IMMP2L: variants seen among roughly 807,000 people sequenced by gnomAD.
IMMP2L encodes the protein inner mitochondrial membrane peptidase subunit 2.
Under a neutral mutation model 19.3 loss-of-function variants are expected in IMMP2L, and 18 were observed. That is an observed-to-expected ratio of 0.93 (90% confidence interval 0.64 to 1.38). The LOEUF (loss-of-function observed/expected upper bound fraction) is 1.38, where lower values mean the gene tolerates loss of function less well. Ranked by LOEUF, IMMP2L falls within the 40% of genes most tolerant of loss-of-function variation. IMMP2L has a pLI of 0.00. For synonymous variants in IMMP2L, 76 were observed against 73.0 expected (o/e 1.04, Z -0.21); for missense variants, 233 against 218.2 (o/e 1.07, Z -0.43).
chr7:110,989,950 G>A (rs901225853), intron 3 of IMMP2L, among the ~76,000 whole-genome samples: 2 of 151,882 alleles, frequency 1.3e-5, no homozygotes, highest in African/African-American at 2.4e-5. Context: ...AACAAAAACC[G>A]ATGCTATTTT....
At chr7:110,681,896 C>A (rs1355548731) in intron 5 of IMMP2L, among the ~76,000 whole-genome samples, 2 of 151,368 alleles carry the variant, frequency 1.3e-5, no homozygotes, top group African/African-American at 4.9e-5. Context: ...TGACCTCAAT[C>A]TGAAGAAAAA....
intron 5 of IMMP2L, among the ~76,000 whole-genome samples, chr7:110,755,572 A>T (rs1797989527): frequency 6.6e-6 from 1 of 152,156 alleles, no homozygotes; most frequent in Non-Finnish European, 1.5e-5. Flanking sequence ...GCATAGGGAT[A>T]CAGAGATTTA....
intron 3 of IMMP2L, among the ~76,000 whole-genome samples, chr7:111,140,410 G>T (rs1434543739): frequency 1.3e-5 from 2 of 152,140 alleles, no homozygotes. Context: ...GAGCCCAGGT[G>T]CATCAATACT....
intron 4 of IMMP2L, among the ~76,000 whole-genome samples, chr7:110,922,274 C>T (rs189297077): frequency 5.1e-4 from 78 of 152,280 alleles, no homozygotes; most frequent in African/African-American, 1.8e-3. Flanking sequence ...ATTATGCATA[C>T]ATCAGGCTTA....
At chr7:111,007,655 A>G in intron 3 of IMMP2L, among the ~76,000 whole-genome samples, 1 of 152,140 alleles carries the variant, frequency 6.6e-6, no homozygotes, top group African/African-American at 2.4e-5. Flanking sequence ...ACGTGTACGT[A>G]TGTACACATA....
chr7:111,167,359 C>T (rs1805937539), intron 3 of IMMP2L, among the ~76,000 whole-genome samples: 1 of 151,884 alleles, frequency 6.6e-6, no homozygotes, highest in African/African-American at 2.4e-5. Context: ...ACCACAAATC[C>T]AAAACATTTC....
intron 3 of IMMP2L, among the ~76,000 whole-genome samples, chr7:111,307,698 GT>G (rs1019546677): frequency 4.6e-5 from 7 of 151,352 alleles, no homozygotes; most frequent in African/African-American, 1.7e-4. Flanking sequence ...TTTACAGTTT[GT>G]TTTTATTCCT....
At chr7:110,821,679 G>A (rs1211056428) in intron 5 of IMMP2L, among the ~76,000 whole-genome samples, 5 of 152,104 alleles carry the variant, frequency 3.3e-5, no homozygotes, top group South Asian at 4.2e-4. Context: ...TTGGGAGGCC[G>A]AGGTAGGCAG....
chr7:110,794,352 A>C (rs1800705899), intron 5 of IMMP2L, among the ~76,000 whole-genome samples: 1 of 152,158 alleles, frequency 6.6e-6, no homozygotes, highest in Non-Finnish European at 1.5e-5. Context: ...CCATAGAAAG[A>C]CATAGAGAAA....
intron 1 of IMMP2L, among the ~76,000 whole-genome samples, chr7:111,549,008 A>G (rs989844395): frequency 1.3e-5 from 2 of 152,200 alleles, no homozygotes; most frequent in African/African-American, 2.4e-5. Context: ...ATTAAGACCC[A>G]AGCACACAAT....
chr7:111,287,102 C>T (rs1563013428), intron 3 of IMMP2L, among the ~76,000 whole-genome samples: 1 of 152,104 alleles, frequency 6.6e-6, no homozygotes, highest in African/African-American at 2.4e-5. Flanking sequence ...TGCTATGAAA[C>T]CATTCTTACA....
At chr7:111,519,880 A>C (rs1317831907) in intron 2 of IMMP2L, among the ~76,000 whole-genome samples, 1 of 152,086 alleles carries the variant, frequency 6.6e-6, no homozygotes, top group East Asian at 1.9e-4. Context: ...GGGGAAAAAA[A>C]ATCATTCTTA....
In IMMP2L at chr7:110,667,979, A is replaced by G. The variant is rs183845263; in HGVS notation, c.409-4258T>C. Among the ~76,000 whole-genome samples, 539 of 152,278 alleles carry G rather than the reference A, an allele frequency of 3.5e-3. 1 individual carries two copies. Among genetic ancestry groups the G allele is most frequent in the African/African-American group, 0.012 (501 of 41,546 alleles). ...GAAAAAAGCAAATAAGGATACATAC[A>G]TATTCCTTTTTCCCTTTTAGACTTA... On this transcript the variant is annotated intron_variant, in intron 5 of 5. Coordinates refer to ENST00000405709, the MANE Select transcript of IMMP2L (RefSeq NM_032549.4).
intron 3 of IMMP2L, among the ~76,000 whole-genome samples, chr7:111,185,241 A>C (rs571007639): frequency 2.6e-4 from 40 of 152,268 alleles, no homozygotes; most frequent in African/African-American, 9.4e-4. Context: ...AGACATAAAC[A>C]ATCAAATCTA....
At chr7:110,795,506 T>G (rs1190327780) in intron 5 of IMMP2L, among the ~76,000 whole-genome samples, 1 of 152,092 alleles carries the variant, frequency 6.6e-6, no homozygotes, top group Non-Finnish European at 1.5e-5. Flanking sequence ...CAAGATACTG[T>G]GCTGACAGTG....
At chr7:111,097,609 A>C (rs941190201) in intron 3 of IMMP2L, among the ~76,000 whole-genome samples, 2 of 151,936 alleles carry the variant, frequency 1.3e-5, no homozygotes, top group African/African-American at 2.4e-5. Context: ...AATGTTAAAA[A>C]TAGACATGTA....
intron 3 of IMMP2L, among the ~76,000 whole-genome samples, chr7:111,114,103 A>C (rs1799556017): frequency 1.3e-5 from 2 of 151,544 alleles, no homozygotes; most frequent in African/African-American, 4.9e-5. Flanking sequence ...ACAGAACTGA[A>C]GTCTCTCAAC....
chr7:110,939,216 G>A (rs981381801), intron 4 of IMMP2L, among the ~76,000 whole-genome samples: 52 of 152,182 alleles, frequency 3.4e-4, no homozygotes, highest in African/African-American at 1.2e-3. Flanking sequence ...ATGGGACCAA[G>A]ACTTTTTGTG....
intron 4 of IMMP2L, among the ~76,000 whole-genome samples, chr7:110,908,844 T>G (rs1812745101): frequency 6.6e-6 from 1 of 152,220 alleles, no homozygotes; most frequent in African/African-American, 2.4e-5. Context: ...ATTTATTGAG[T>G]GCCTTGTAGG....
Sources: allele counts gnomAD v4.1 joint callset (sites outside exome capture counted in the v4.1 genomes callset), GRCh38; gene constraint gnomAD v4.1.1; transcripts MANE v1.5; gene names NCBI Gene and HGNC (gene_info 2026-07-23, HGNC 2026-07-21).